The following KCNQ1OT1 variants were observed in gnomAD, a reference collection of about 807,000 sequenced individuals.
KCNQ1OT1 encodes the protein KCNQ1 opposite strand/antisense transcript 1.
Position 2,627,309 on chromosome 11 carries a change from C to T in KCNQ1OT1, n.72686G>A, listed in dbSNP as rs1431919397. The stretch of plus-strand genomic sequence containing the variant: ...ACCTTACATAGTTGCCATGTGTGTG[C>T]GTGTGTGTGGTCAGAATACCTAAGC... On this transcript the variant is annotated non_coding_transcript_exon_variant, in exon 1 of 1. Coordinates refer to ENST00000597346, the Ensembl canonical transcript of KCNQ1OT1. This position sits in a 1 kb window ranked among gnomAD's most constrained non-coding sequence, Gnocchi z 4.9. 4 of 398,262 alleles carry T rather than the reference C, an allele frequency of 1.0e-5. No individual in the cohort carries two copies. The highest frequency in any genetic ancestry group is 3.6e-5 in the East Asian group (1 of 28,056). The allele number at this position is 398,262 out of a possible 1,614,324, so 24.7% of individuals were successfully genotyped here.
chr11:2,670,580 A>T lies in KCNQ1OT1; in HGVS notation n.29415T>A, dbSNP rs957680549. On this transcript the variant is annotated non_coding_transcript_exon_variant, in exon 1 of 1. Transcript: ENST00000597346. This position sits in a 1 kb window ranked among gnomAD's most constrained non-coding sequence, Gnocchi z 4.9. ...AGTATCACTGGGAGATAGGAGCAGA[A>T]GCCAGGGCTCATTCCCAGACACACA... The T allele has an allele frequency of 2.5e-6, 1 of 398,396 alleles. No homozygotes were observed. 24.7% of individuals were successfully genotyped at this position (398,396 alleles called of 1,614,324 possible).
At position 2,661,539 on chromosome 11, in the gene KCNQ1OT1, C is replaced by T; in HGVS notation, n.38456G>A. 2.0e-6 allele frequency: 1 copy of T among 501,524 alleles called. No individual in the cohort carries two copies. Among genetic ancestry groups the T allele is most frequent in the Non-Finnish European group, 3.5e-6 (1 of 285,014 alleles). The allele number at this position is 501,524 out of a possible 1,614,324, so 31.1% of individuals were successfully genotyped here. A position where few individuals can be genotyped will look rare whatever the true frequency, so the allele number is the denominator to read the frequency against. ...CTATCACCCCATCTTTCCTGACCCA[C>T]TACTCTGTCAATGTATGAGTGTGAC... is the stretch of plus-strand genomic sequence containing the variant. On this transcript the variant is annotated non_coding_transcript_exon_variant, in exon 1 of 1. Transcript: ENST00000597346. The surrounding 1 kb of genome is among the most constrained non-coding windows in gnomAD (Gnocchi z 5.9).
In KCNQ1OT1 at chr11:2,647,710, G is replaced by A. The variant is rs919604659; in HGVS notation, n.52285C>T. On this transcript the variant is annotated non_coding_transcript_exon_variant, in exon 1 of 1. Coordinates refer to ENST00000597346, the Ensembl canonical transcript of KCNQ1OT1. The surrounding 1 kb of genome is among the most constrained non-coding windows in gnomAD (Gnocchi z 4.0). ...TCTGTTCAGATTTTTTTTCTTCCTG[G>A]TTCAATCTTGGGAGGTTATATATGT... 2.5e-6 allele frequency: 1 copy of A among 398,032 alleles called. No individual in the cohort carries two copies. The highest frequency in any genetic ancestry group is 4.4e-6 in the Non-Finnish European group (1 of 225,966). The allele number at this position is 398,032 out of a possible 1,614,324, so 24.7% of individuals were successfully genotyped here.
chr11:2,653,715 A>C lies in KCNQ1OT1; in HGVS notation n.46280T>G. Reference sequence around the variant, plus strand: ...CCAGCAGAACGAGGTCATCTCTTCCAGGATTCCTGCCAGAATCTAAGGCCA... The same window carrying C: ...CCAGCAGAACGAGGTCATCTCTTCCCGGATTCCTGCCAGAATCTAAGGCCA... On this transcript the variant is annotated non_coding_transcript_exon_variant, in exon 1 of 1. Transcript: ENST00000597346. This position sits in a 1 kb window ranked among gnomAD's most constrained non-coding sequence, Gnocchi z 5.3. 2.5e-6 allele frequency: 1 copy of C among 398,686 alleles called. No homozygotes were observed. The allele number at this position is 398,686 out of a possible 1,614,324, so 24.7% of individuals were successfully genotyped here. A position where few individuals can be genotyped will look rare whatever the true frequency, so the allele number is the denominator to read the frequency against.
In KCNQ1OT1 at chr11:2,620,218, T is replaced by TA. The variant is rs1490354638; in HGVS notation, n.79776_79777insT. 7 of 282,650 alleles carry TA rather than the reference T, an allele frequency of 2.5e-5. No homozygotes were observed. Among genetic ancestry groups the TA allele is most frequent in the South Asian group, 1.7e-4 (1 of 6,002 alleles). 17.5% of individuals were successfully genotyped at this position (282,650 alleles called of 1,614,324 possible). A position where few individuals can be genotyped will look rare whatever the true frequency, so the allele number is the denominator to read the frequency against. ...ATTCATGTATATATATATATTTTTT[T>TA]TTTTTATTTTTTTTTTAGACGGAGT... On this transcript the variant is annotated non_coding_transcript_exon_variant, in exon 1 of 1. Transcript: ENST00000597346. This position sits in a 1 kb window ranked among gnomAD's most constrained non-coding sequence, Gnocchi z 4.5.
exon 1 of KCNQ1OT1, chr11:2,694,937 T>C (rs1850650036): frequency 2.5e-6 from 1 of 398,610 alleles, no homozygotes; most frequent in Admixed American, 4.4e-5. Context: ...GGTGAAGGCC[T>C]TGGGGCAGGA....
exon 1 of KCNQ1OT1, chr11:2,699,260 G>A (rs938897912): frequency 7.5e-6 from 3 of 398,680 alleles, no homozygotes; most frequent in African/African-American, 6.2e-5. Flanking sequence ...AGATGGGAGC[G>A]CACTGCCCAG....
exon 1 of KCNQ1OT1, chr11:2,667,299 C>T (rs1850094528): frequency 2.5e-6 from 1 of 398,618 alleles, no homozygotes; most frequent in Admixed American, 4.4e-5. Flanking sequence ...GAGGGCCGCA[C>T]TGTCTAGGTG....
exon 1 of KCNQ1OT1, chr11:2,686,483 C>T (rs919561408): frequency 7.5e-6 from 3 of 398,572 alleles, no homozygotes; most frequent in East Asian, 7.1e-5. Flanking sequence ...CAACAGATAC[C>T]CCCACCCTCA....
chr11:2,623,775 G>C lies in KCNQ1OT1; in HGVS notation n.76220C>G, dbSNP rs1221714610. The C allele has an allele frequency of 2.5e-6, 1 of 398,304 alleles. No individual in the cohort carries two copies. Among genetic ancestry groups the C allele is most frequent in the African/African-American group, 2.1e-5 (1 of 48,580 alleles). The allele number at this position is 398,304 out of a possible 1,614,324, so 24.7% of individuals were successfully genotyped here. A position where few individuals can be genotyped will look rare whatever the true frequency, so the allele number is the denominator to read the frequency against. On this transcript the variant is annotated non_coding_transcript_exon_variant, in exon 1 of 1. Transcript: ENST00000597346. The surrounding 1 kb of genome is among the most constrained non-coding windows in gnomAD (Gnocchi z 5.2). The stretch of plus-strand genomic sequence containing the variant: ...GTGAATATAAGTCTTCACCTCCTTT[G>C]AGTAAATACCAAGGATGTGATTGCT...
At chr11:2,667,694 C>A (rs1179341206) in exon 1 of KCNQ1OT1, 3 of 398,642 alleles carry the variant, frequency 7.5e-6, no homozygotes, top group Non-Finnish European at 1.3e-5. Flanking sequence ...ACGGAGGTGA[C>A]CTAGTCAGGA....
chr11:2,632,391 CACT>C, exon 1 of KCNQ1OT1: 1 of 398,298 alleles, frequency 2.5e-6, no homozygotes, highest in Admixed American at 4.4e-5. Context: ...GCTAGAAAGC[CACT>C]ACTATGTTTA....
rs1383035176 is a variant in KCNQ1OT1, at chr11:2,620,211, A to ATATTTTT, written n.79783_79784insAAAAATA. 3.1e-5 allele frequency: 8 copies of ATATTTTT among 261,998 alleles called. No individual in the cohort carries two copies. Among genetic ancestry groups the ATATTTTT allele is most frequent in the African/African-American group, 7.9e-5 (3 of 38,118 alleles). The allele number at this position is 261,998 out of a possible 1,614,324, so 16.2% of individuals were successfully genotyped here. A position where few individuals can be genotyped will look rare whatever the true frequency, so the allele number is the denominator to read the frequency against. On this transcript the variant is annotated non_coding_transcript_exon_variant, in exon 1 of 1. Coordinates refer to ENST00000597346, the Ensembl canonical transcript of KCNQ1OT1. The surrounding 1 kb of genome is among the most constrained non-coding windows in gnomAD (Gnocchi z 4.5). ...TAAGTTCATTCATGTATATATATAT[A>ATATTTTT]TTTTTTTTTTTTATTTTTTTTTTAG...
At position 2,661,690 on chromosome 11, in the gene KCNQ1OT1, G is replaced by A. The variant is rs140266979; in HGVS notation, n.38305C>T. 46 of 602,028 alleles carry A rather than the reference G, an allele frequency of 7.6e-5. No individual in the cohort carries two copies. The Middle Eastern group carries it at 1.8e-3, about 23-fold the overall frequency. The allele number at this position is 602,028 out of a possible 1,614,324, so 37.3% of individuals were successfully genotyped here. A position where few individuals can be genotyped will look rare whatever the true frequency, so the allele number is the denominator to read the frequency against. ...CAGAACCTGAGGTGGGGAGAGTCTT[G>A]GACACCTGAGCACAGCCCCAGGCAC... is the stretch of plus-strand genomic sequence containing the variant. On this transcript the variant is annotated non_coding_transcript_exon_variant, in exon 1 of 1. Transcript: ENST00000597346. This position sits in a 1 kb window ranked among gnomAD's most constrained non-coding sequence, Gnocchi z 5.9.
chr11:2,683,200 T>G lies in KCNQ1OT1; in HGVS notation n.16795A>C. 2.5e-6 allele frequency: 1 copy of G among 398,634 alleles called. No individual in the cohort carries two copies. Among genetic ancestry groups the G allele is most frequent in the East Asian group, 3.6e-5 (1 of 28,076 alleles). 24.7% of individuals were successfully genotyped at this position (398,634 alleles called of 1,614,324 possible). A position where few individuals can be genotyped will look rare whatever the true frequency, so the allele number is the denominator to read the frequency against. ...TTAAAAGGCTCCCACTGACAGCTCA[T>G]GCATTGTGATGGAACTAGAGGTGAG... is the stretch of plus-strand genomic sequence containing the variant. On this transcript the variant is annotated non_coding_transcript_exon_variant, in exon 1 of 1. Coordinates refer to ENST00000597346, the Ensembl canonical transcript of KCNQ1OT1. The surrounding 1 kb of genome is among the most constrained non-coding windows in gnomAD (Gnocchi z 4.7).
At chr11:2,640,958 A>C (rs1181314184) in exon 1 of KCNQ1OT1, 1 of 398,492 alleles carries the variant, frequency 2.5e-6, no homozygotes, top group African/African-American at 2.1e-5. Context: ...TAAAATAATG[A>C]CCTCCAGCTC....
At chr11:2,630,998 C>T in exon 1 of KCNQ1OT1, 1 of 398,496 alleles carries the variant, frequency 2.5e-6, no homozygotes, top group Non-Finnish European at 4.4e-6. Flanking sequence ...TATCTTGCCG[C>T]TTTCAAAATT....
Position 2,623,375 on chromosome 11 carries a change from T to G in KCNQ1OT1, n.76620A>C, listed in dbSNP as rs143282761. ...TCATACAGATACGTATATTTACATA[T>G]ATTTGTACATTTTCACTGCCCTAAA... On this transcript the variant is annotated non_coding_transcript_exon_variant, in exon 1 of 1. Coordinates refer to ENST00000597346, the Ensembl canonical transcript of KCNQ1OT1. The surrounding 1 kb of genome is among the most constrained non-coding windows in gnomAD (Gnocchi z 5.2). The G allele has an allele frequency of 7.5e-6, 3 of 398,622 alleles. No homozygotes were observed. In the Admixed American group the frequency reaches 1.3e-4, roughly 18 times the overall value. The allele number at this position is 398,622 out of a possible 1,614,324, so 24.7% of individuals were successfully genotyped here. A position where few individuals can be genotyped will look rare whatever the true frequency, so the allele number is the denominator to read the frequency against.
chr11:2,664,075 C>T lies in KCNQ1OT1; in HGVS notation n.35920G>A, dbSNP rs939173547. 106 of 398,764 alleles carry T rather than the reference C, an allele frequency of 2.7e-4. No individual in the cohort carries two copies. Among genetic ancestry groups the T allele is most frequent in the Middle Eastern group, 2.5e-3 (4 of 1,586 alleles). 24.7% of individuals were successfully genotyped at this position (398,764 alleles called of 1,614,324 possible). ...CCCATGGCCTCCAGTGATAAGTGGG[C>T]CCAGGCAGGTCAGAGACTCCAGTCA... On this transcript the variant is annotated non_coding_transcript_exon_variant, in exon 1 of 1. Transcript: ENST00000597346. The surrounding 1 kb of genome is among the most constrained non-coding windows in gnomAD (Gnocchi z 5.1).
Sources: allele counts gnomAD v4.1 joint callset, GRCh38; gene constraint gnomAD v4.1.1; non-coding constraint Gnocchi (gnomAD v3.1); transcripts MANE v1.5; gene names NCBI Gene and HGNC (gene_info 2026-07-23, HGNC 2026-07-21).